The following LRBA variants were observed in gnomAD, a reference collection of about 807,000 sequenced individuals.
LRBA encodes LPS responsive beige-like anchor protein.
A neutral mutation model predicts 330.0 loss-of-function variants in LRBA; 176 were observed. That is an observed-to-expected ratio of 0.53 (90% CI 0.47 to 0.60). The LOEUF (loss-of-function observed/expected upper bound fraction) is 0.60, where lower values mean the gene tolerates loss of function less well. Ranked by LOEUF, LRBA falls within the 20% of genes least tolerant of loss-of-function variation. The probability of loss-of-function intolerance (pLI) is 0.00; values close to 1 mark genes in which losing one functional copy is unlikely to be tolerated. For synonymous variants in LRBA, 1,230 were observed against 1,193.0 expected (o/e 1.03, Z -0.64); for missense variants, 3,259 against 3,444.8 (o/e 0.95, Z 1.35).
At position 150,583,101 on chromosome 4, in the gene LRBA, G is replaced by T; in HGVS notation, c.6330+4947C>A. 6.2e-7 allele frequency: 1 copy of T among 1,614,180 alleles called. No individual in the cohort carries two copies. Among genetic ancestry groups the T allele is most frequent in the South Asian group, 1.1e-5 (1 of 91,086 alleles). On this transcript the variant is annotated intron_variant, in intron 40 of 56. Coordinates refer to ENST00000651943, the MANE Select transcript of LRBA (RefSeq NM_001364905.1). The surrounding 1 kb of genome is among the most constrained non-coding windows in gnomAD (Gnocchi z 9.8). ...ACACTGAGCGCTGTCAGGCGCGCAA[G>T]GCGGCCATCGCCAAAACCATCCGAG...
At chr4:150,760,871 T>C (rs900704729) in intron 35 of LRBA, among the ~76,000 whole-genome samples, 2 of 152,180 alleles carry the variant, frequency 1.3e-5, no homozygotes, top group Non-Finnish European at 2.9e-5. Context: ...AGGATTTTAG[T>C]AGTATTTAAA....
intron 37 of LRBA, among the ~76,000 whole-genome samples, chr4:150,622,296 T>C (rs575291634): frequency 6.6e-6 from 1 of 152,332 alleles, no homozygotes; most frequent in African/African-American, 2.4e-5. Flanking sequence ...TCCAGCACTT[T>C]GGGAGGCTGA....
At chr4:150,656,670 CTG>C (rs1366563635) in intron 37 of LRBA, among the ~76,000 whole-genome samples, 4 of 152,244 alleles carry the variant, frequency 2.6e-5, no homozygotes, top group South Asian at 2.1e-4. Flanking sequence ...ATTCAGACAA[CTG>C]TAAGTATTAC....
chr4:150,678,244 GAAA>G (rs558047933), intron 37 of LRBA, among the ~76,000 whole-genome samples: 3 of 75,838 alleles, frequency 4.0e-5, no homozygotes, highest in Admixed American at 1.4e-4. Flanking sequence ...CTGTCTCCAA[GAAA>G]AAAAAAAAAA....
intron 40 of LRBA, chr4:150,579,858 A>C (rs929854410): frequency 4.5e-5 from 17 of 379,860 alleles, no homozygotes; most frequent in Middle Eastern, 9.3e-4. Context: ...TTCGCGAACC[A>C]GACGCAACGA....
At chr4:150,642,070 G>A (rs565340669) in intron 37 of LRBA, among the ~76,000 whole-genome samples, 34 of 152,056 alleles carry the variant, frequency 2.2e-4, no homozygotes, top group Admixed American at 1.8e-3. Context: ...AGTATTCTAA[G>A]TTTTAAACAA....
At chr4:150,664,649 T>A (rs917020293) in intron 37 of LRBA, among the ~76,000 whole-genome samples, 18 of 152,154 alleles carry the variant, frequency 1.2e-4, no homozygotes, top group African/African-American at 4.3e-4. Context: ...TTGAGTAAAC[T>A]GAGGTTTAGT....
chr4:150,955,361 T>C (rs1294783485), intron 2 of LRBA, among the ~76,000 whole-genome samples: 1 of 149,396 alleles, frequency 6.7e-6, no homozygotes, highest in Non-Finnish European at 1.5e-5. Flanking sequence ...GTATGGAATG[T>C]ATAAAGCAGT....
intron 47 of LRBA, among the ~76,000 whole-genome samples, chr4:150,389,911 AT>A (rs34355782): frequency 0.051 from 5,705 of 111,568 alleles, 91 homozygotes; most frequent in Middle Eastern, 0.069. Context: ...TTGTCTGGGT[AT>A]TTTTTTTTTT....
At chr4:150,758,107 A>T (rs1319771130) in intron 35 of LRBA, among the ~76,000 whole-genome samples, 1 of 152,238 alleles carries the variant, frequency 6.6e-6, no homozygotes, top group Non-Finnish European at 1.5e-5. Flanking sequence ...TCAGTTCCAC[A>T]GAATAATACA....
At chr4:150,304,634 T>C (rs944106538) in intron 52 of LRBA, among the ~76,000 whole-genome samples, 3 of 152,092 alleles carry the variant, frequency 2.0e-5, no homozygotes, top group African/African-American at 7.2e-5. Flanking sequence ...AAAATAAGCT[T>C]ATATCAATAA....
At chr4:150,737,350 C>T (rs1731313071) in intron 35 of LRBA, among the ~76,000 whole-genome samples, 1 of 152,042 alleles carries the variant, frequency 6.6e-6, no homozygotes, top group Non-Finnish European at 1.5e-5. Flanking sequence ...ATCCCAGATA[C>T]TAGGGAGGCT....
At chr4:150,996,090 A>G (rs1444749127) in intron 2 of LRBA, among the ~76,000 whole-genome samples, 4 of 151,674 alleles carry the variant, frequency 2.6e-5, no homozygotes, top group African/African-American at 9.7e-5. Flanking sequence ...AAAAAAAGTC[A>G]AGATGGAATT....
At chr4:150,632,160 G>C (rs1365992088) in intron 37 of LRBA, among the ~76,000 whole-genome samples, 2 of 151,466 alleles carry the variant, frequency 1.3e-5, no homozygotes, top group Non-Finnish European at 2.9e-5. Flanking sequence ...GAGCCCAGGA[G>C]GCAGAGGTTG....
chr4:150,584,844 CTG>C (rs1203618134), intron 40 of LRBA, among the ~76,000 whole-genome samples: 1 of 152,042 alleles, frequency 6.6e-6, no homozygotes, highest in Non-Finnish European at 1.5e-5. Context: ...GTAGAATTGA[CTG>C]TATAAGTTCC....
chr4:151,009,568 G>A (rs1433881162), intron 2 of LRBA, among the ~76,000 whole-genome samples: 1 of 149,566 alleles, frequency 6.7e-6, no homozygotes, highest in Non-Finnish European at 1.5e-5. Flanking sequence ...AAAAAAACTA[G>A]CGGGTTTTGG....
chr4:150,401,857 T>G (rs960603525), intron 47 of LRBA, among the ~76,000 whole-genome samples: 4 of 151,832 alleles, frequency 2.6e-5, no homozygotes, highest in Non-Finnish European at 5.9e-5. Context: ...GTATATATAA[T>G]TATGTGGGTG....
intron 2 of LRBA, among the ~76,000 whole-genome samples, chr4:150,981,315 A>G (rs1361044069): frequency 1.3e-5 from 2 of 149,970 alleles, no homozygotes; most frequent in Non-Finnish European, 3.0e-5. Flanking sequence ...CTGGAGGCTG[A>G]GGTGGGAGAA....
At chr4:150,818,567 T>TGTGTGTGTGC (rs1376093670) in intron 30 of LRBA, among the ~76,000 whole-genome samples, 1 of 149,286 alleles carries the variant, frequency 6.7e-6, no homozygotes, top group South Asian at 2.1e-4. Context: ...TGTGTGTGCG[T>TGTGTGTGTGC]GCACGAATGT....
Sources: gnomAD v4.1 joint callset for allele counts (sites outside exome capture counted in the v4.1 genomes callset) on GRCh38, gnomAD v4.1.1 for gene constraint, Gnocchi (gnomAD v3.1) non-coding constraint, MANE v1.5 for transcripts, NCBI Gene and HGNC (gene_info 2026-07-23, HGNC 2026-07-21) for gene names.